Variants in SLIT3 observed in about 807,000 individuals in gnomAD.
SLIT3 encodes the protein slit homolog 3 protein.
A neutral mutation model predicts 184.0 loss-of-function variants in SLIT3; 68 were observed. The ratio of observed to expected loss-of-function variants is 0.37; its 90% CI spans 0.30 to 0.45. SLIT3 has a LOEUF of 0.45. SLIT3 is among the 20% of genes least tolerant of loss of function. The pLI is 1.00. For missense variants in SLIT3, 1,707 were observed against 2,026.0 expected (o/e 0.84, Z 3.02); for synonymous variants, 831 against 828.6 (o/e 1.00, Z -0.05).
chr5:168,735,623 A>G (rs1416064534), intron 20 of SLIT3, among the ~76,000 whole-genome samples: 1 of 151,582 alleles, frequency 6.6e-6, no homozygotes, highest in Non-Finnish European at 1.5e-5. Flanking sequence ...TGGCCAACAC[A>G]TTTTAAATAT....
chr5:168,754,613 A>G (rs1413870432), intron 16 of SLIT3, among the ~76,000 whole-genome samples: 1 of 152,214 alleles, frequency 6.6e-6, no homozygotes, highest in South Asian at 2.1e-4. Context: ...CAAAATAGCT[A>G]GAAGAAAAGA....
At chr5:169,002,349 A>AAAAAAAG (rs1561600127) in intron 4 of SLIT3, among the ~76,000 whole-genome samples, 26 of 146,080 alleles carry the variant, frequency 1.8e-4, no homozygotes, top group African/African-American at 6.1e-4. Flanking sequence ...AAAAAAAAAA[A>AAAAAAAG]AAAAAAGAAA....
chr5:169,254,886 G>A (rs1018548227), intron 1 of SLIT3, among the ~76,000 whole-genome samples: 1 of 152,200 alleles, frequency 6.6e-6, no homozygotes, highest in Admixed American at 6.5e-5. Flanking sequence ...AGCCAGAATC[G>A]CCCAGCTGAA....
At chr5:169,224,721 C>T (rs1054589232) in intron 3 of SLIT3, among the ~76,000 whole-genome samples, 1 of 151,372 alleles carries the variant, frequency 6.6e-6, no homozygotes, top group Non-Finnish European at 1.5e-5. Flanking sequence ...CAGACTCACT[C>T]TGTTGCCCAG....
chr5:168,934,206 C>T (rs574402305), intron 4 of SLIT3, among the ~76,000 whole-genome samples: 122 of 152,326 alleles, frequency 8.0e-4, no homozygotes, highest in African/African-American at 2.9e-3. Flanking sequence ...CAGTAATCAC[C>T]TGCCATCAAC....
At chr5:169,153,971 CTTTT>C (rs1177389865) in intron 4 of SLIT3, among the ~76,000 whole-genome samples, 4 of 134,840 alleles carry the variant, frequency 3.0e-5, no homozygotes, top group Admixed American at 7.4e-5. Flanking sequence ...TGCTCCCAGC[CTTTT>C]TTTTTTTTTT....
chr5:169,285,003 G>A (rs1183134542), intron 1 of SLIT3, among the ~76,000 whole-genome samples: 1 of 152,002 alleles, frequency 6.6e-6, no homozygotes, highest in African/African-American at 2.4e-5. Context: ...TTGACCTCCT[G>A]GGCTCAAGTT....
chr5:168,672,189 G>A (rs1761274863), intron 33 of SLIT3, among the ~76,000 whole-genome samples: 2 of 152,210 alleles, frequency 1.3e-5, no homozygotes, highest in African/African-American at 4.8e-5. Flanking sequence ...ACCTGGAGCA[G>A]GTGGGGCACA....
chr5:168,842,913 C>T (rs906685637), intron 6 of SLIT3, among the ~76,000 whole-genome samples: 1 of 152,164 alleles, frequency 6.6e-6, no homozygotes, highest in African/African-American at 2.4e-5. Context: ...GTGAGCAGCC[C>T]TTTCTACAAA....
intron 1 of SLIT3, among the ~76,000 whole-genome samples, chr5:169,280,066 A>T (rs368852091): frequency 3.3e-5 from 5 of 152,380 alleles, no homozygotes; most frequent in Admixed American, 2.0e-4. Flanking sequence ...GCAAGGATGC[A>T]TCAGGAATTC....
chr5:168,920,186 G>A (rs1761590756), intron 4 of SLIT3, among the ~76,000 whole-genome samples: 1 of 152,102 alleles, frequency 6.6e-6, no homozygotes, highest in African/African-American at 2.4e-5. Context: ...TTCTAGAAGA[G>A]GACAATAAAT....
intron 4 of SLIT3, among the ~76,000 whole-genome samples, chr5:168,888,877 A>G (rs977828971): frequency 8.5e-5 from 13 of 152,246 alleles, no homozygotes; most frequent in Admixed American, 6.5e-5. Flanking sequence ...TTCTCTGCCC[A>G]GTAGGAGGAA....
rs768064649 is a variant in SLIT3 at position 168,857,789 on chromosome 5, T to C, written c.486-13134A>G. ...AGCAGGGTGGAAAAAAACACAAGTA[T>C]GAATGAATGTGGTATTAACTTCTAC... On this transcript the variant is annotated intron_variant, in intron 5 of 35. Transcript: ENST00000519560. Among the ~76,000 whole-genome samples, 10 of 152,300 alleles carry C rather than the reference T, an allele frequency of 6.6e-5. No individual in the cohort carries two copies. The Middle Eastern group carries it at 0.017, about 259-fold the overall frequency.
chr5:168,767,827 G>T (rs1417669422), intron 14 of SLIT3, among the ~76,000 whole-genome samples: 1 of 152,124 alleles, frequency 6.6e-6, no homozygotes, highest in Non-Finnish European at 1.5e-5. Context: ...GTATGCCTTG[G>T]GTATACTTGT....
At chr5:169,078,013 A>G (rs757735166) in intron 4 of SLIT3, among the ~76,000 whole-genome samples, 1 of 152,140 alleles carries the variant, frequency 6.6e-6, no homozygotes, top group Non-Finnish European at 1.5e-5. Flanking sequence ...ATCAAGATTC[A>G]GCTTGAGTCT....
At chr5:168,994,096 A>G (rs1343935843) in intron 4 of SLIT3, 1 of 152,172 alleles carries the variant, frequency 6.6e-6, no homozygotes, top group Non-Finnish European at 1.5e-5. Context: ...GGAGAAGAAA[A>G]AGACTTTACC....
chr5:168,892,058 G>A (rs1019131743), intron 4 of SLIT3, among the ~76,000 whole-genome samples: 1 of 152,172 alleles, frequency 6.6e-6, no homozygotes, highest in African/African-American at 2.4e-5. Flanking sequence ...CCTCAGGGGC[G>A]ATCTGCTAAT....
At chr5:169,272,159 C>G (rs889017472) in intron 1 of SLIT3, among the ~76,000 whole-genome samples, 3 of 152,228 alleles carry the variant, frequency 2.0e-5, no homozygotes, top group African/African-American at 7.2e-5. Context: ...TGTAAAAGGA[C>G]AGGAGAGAAA....
chr5:168,775,038 ATT>A (rs34335250), intron 12 of SLIT3, among the ~76,000 whole-genome samples: 72 of 135,554 alleles, frequency 5.3e-4, no homozygotes, highest in African/African-American at 1.5e-3. Context: ...CCACCACTGC[ATT>A]TTTTTTTTTT....
Sources: allele counts gnomAD v4.1 joint callset (sites outside exome capture counted in the v4.1 genomes callset), GRCh38; gene constraint gnomAD v4.1.1; transcripts MANE v1.5; gene names NCBI Gene and HGNC (gene_info 2026-07-23, HGNC 2026-07-21).